The following SPSB1 variants were observed in gnomAD, a reference collection of about 807,000 sequenced individuals.
SPSB1 encodes the protein SPRY domain-containing SOCS box protein 1.
In SPSB1, 8 loss-of-function variants were observed where a neutral mutation model predicts 21.2. That is an observed-to-expected ratio of 0.38 (90% CI 0.22 to 0.68). SPSB1 has a LOEUF of 0.68. Ranked by LOEUF, SPSB1 falls within the 30% of genes least tolerant of loss-of-function variation. The probability of loss-of-function intolerance (pLI) is 0.53; values close to 1 mark genes in which losing one functional copy is unlikely to be tolerated. For synonymous variants in SPSB1, 169 were observed against 161.7 expected (o/e 1.05, Z -0.34); for missense variants, 242 against 377.8 (o/e 0.64, Z 2.98).
chr1:9,330,640 T>C (rs1373580539), intron 1 of SPSB1, among the ~76,000 whole-genome samples: 1 of 151,968 alleles, frequency 6.6e-6, no homozygotes, highest in Non-Finnish European at 1.5e-5. Flanking sequence ...GTCCTCTTCC[T>C]TTCCTCCCCT....
At chr1:9,339,063 C>T (rs1379583950) in intron 1 of SPSB1, among the ~76,000 whole-genome samples, 2 of 152,154 alleles carry the variant, frequency 1.3e-5, no homozygotes, top group African/African-American at 4.8e-5. Flanking sequence ...GCCGCTTCCC[C>T]TTGGAGACGG....
chr1:9,309,664 G>A (rs1639484705), intron 1 of SPSB1, among the ~76,000 whole-genome samples: 1 of 152,102 alleles, frequency 6.6e-6, no homozygotes, highest in Non-Finnish European at 1.5e-5. Context: ...CCAACACAGT[G>A]AAACCCCGTC....
Position 9,361,156 on chromosome 1 carries a change from C to CCTTTTTTTTTTTTTTTTTTTTTGT in SPSB1, c.694+4571_694+4572insCTTTTTTTTTTTTTTTTTTTTTGT. ...CAGGCATGGCTGGATCTGTCATTTT[C>CCTTTTTTTTTTTTTTTTTTTTTGT]TTTTTTTTTTTTTTTTTTTTTTTTT... On this transcript the variant is annotated intron_variant, in intron 2 of 2. Coordinates refer to ENST00000328089, the MANE Select transcript of SPSB1 (RefSeq NM_025106.4). 3.9e-5 allele frequency among the ~76,000 whole-genome samples: 4 copies of CCTTTTTTTTTTTTTTTTTTTTTGT among 102,578 alleles called. 1 individual carries two copies. In the East Asian group the frequency reaches 8.8e-4, roughly 22 times the overall value. The allele number at this position is 102,578 out of a possible 152,430, so 67.3% of individuals were successfully genotyped here.
intron 1 of SPSB1, among the ~76,000 whole-genome samples, chr1:9,306,866 C>G (rs1639420080): frequency 6.6e-6 from 1 of 151,790 alleles, no homozygotes. Context: ...CCTGGACATG[C>G]AGATGTGCTC....
rs568058473 is a variant in SPSB1 at position 9,335,990 on chromosome 1, G to A, written c.-149-19753G>A. On this transcript the variant is annotated intron_variant, in intron 1 of 2. Coordinates refer to ENST00000328089, the MANE Select transcript of SPSB1 (RefSeq NM_025106.4). ...AGATGCCCCATGCAGAGCTGTGTAA[G>A]CATCCAGCACTGTTTGAGGACCTAG... is the stretch of plus-strand genomic sequence containing the variant. Among the ~76,000 whole-genome samples, 4 of 152,314 alleles carry A rather than the reference G, an allele frequency of 2.6e-5. No individual in the cohort carries two copies. In the East Asian group the frequency reaches 7.7e-4, roughly 29 times the overall value.
At chr1:9,318,401 A>G (rs1639648662) in intron 1 of SPSB1, among the ~76,000 whole-genome samples, 1 of 152,218 alleles carries the variant, frequency 6.6e-6, no homozygotes, top group East Asian at 1.9e-4. Flanking sequence ...GCGGACAGAC[A>G]GGGAATGGGG....
At position 9,332,188 on chromosome 1, in the gene SPSB1, C is replaced by CAA. The variant is rs36047874; in HGVS notation, c.-149-23541_-149-23540dup. On this transcript the variant is annotated intron_variant, in intron 1 of 2. Coordinates refer to ENST00000328089, the MANE Select transcript of SPSB1 (RefSeq NM_025106.4). ...CAACATAGTGAGACCCCACCTCTAC[C>CAA]AAAAAAAAAAAAAAATCTCAATGAG... Among the ~76,000 whole-genome samples, 1,017 of 139,716 alleles carry CAA rather than the reference C, an allele frequency of 7.3e-3. 3 individuals are homozygous for CAA. The highest frequency in any genetic ancestry group is 0.011 in the Non-Finnish European group (686 of 64,056). 91.7% of individuals were successfully genotyped at this position (139,716 alleles called of 152,430 possible).
At chr1:9,366,977 A>T (rs981576313) in intron 2 of SPSB1, among the ~76,000 whole-genome samples, 27 of 152,240 alleles carry the variant, frequency 1.8e-4, no homozygotes, top group Non-Finnish European at 3.7e-4. Context: ...TGCCAGGAAG[A>T]GCTGGCTCCC....
intron 2 of SPSB1, among the ~76,000 whole-genome samples, chr1:9,360,449 T>C (rs1433391789): frequency 1.3e-5 from 2 of 152,156 alleles, no homozygotes; most frequent in African/African-American, 4.8e-5. Context: ...CTGGAGCTGC[T>C]GAACACATTA....
chr1:9,353,400 G>C (rs1301310339), intron 1 of SPSB1, among the ~76,000 whole-genome samples: 1 of 152,156 alleles, frequency 6.6e-6, no homozygotes, highest in Non-Finnish European at 1.5e-5. Flanking sequence ...GGGAGTCCTA[G>C]AGGTTTCAGT....
At chr1:9,322,810 C>A (rs1019577674) in intron 1 of SPSB1, among the ~76,000 whole-genome samples, 8 of 152,214 alleles carry the variant, frequency 5.3e-5, no homozygotes, top group African/African-American at 1.9e-4. Context: ...CGGGGGCAGG[C>A]AGCCCTGACG....
At chr1:9,364,772 G>T (rs1162742030) in intron 2 of SPSB1, among the ~76,000 whole-genome samples, 1 of 152,214 alleles carries the variant, frequency 6.6e-6, no homozygotes, top group Non-Finnish European at 1.5e-5. Context: ...ATGAAGAGCA[G>T]TGGTCCCTCT....
chr1:9,341,330 A>G (rs1569628529), intron 1 of SPSB1, among the ~76,000 whole-genome samples: 2 of 152,306 alleles, frequency 1.3e-5, no homozygotes, highest in Admixed American at 1.3e-4. Flanking sequence ...TCGGAGATGC[A>G]GGTAGAACCT....
intron 1 of SPSB1, among the ~76,000 whole-genome samples, chr1:9,297,114 A>G (rs975783460): frequency 2.0e-5 from 3 of 152,174 alleles, no homozygotes; most frequent in Non-Finnish European, 4.4e-5. Flanking sequence ...GCTGGGTGTC[A>G]GGAGATGTGA....
intron 1 of SPSB1, among the ~76,000 whole-genome samples, chr1:9,309,402 C>A (rs915281214): frequency 1.3e-5 from 2 of 151,732 alleles, no homozygotes; most frequent in Non-Finnish European, 2.9e-5. Context: ...ACTGCAGCCT[C>A]GAACTCCTGG....
intron 1 of SPSB1, among the ~76,000 whole-genome samples, chr1:9,316,073 G>A (rs529408924): frequency 2.6e-5 from 4 of 152,276 alleles, no homozygotes; most frequent in Middle Eastern, 3.4e-3. Flanking sequence ...TGGTGGGTCC[G>A]CAGCGGCACA....
At chr1:9,294,911 G>T (rs985368168) in intron 1 of SPSB1, among the ~76,000 whole-genome samples, 1 of 152,098 alleles carries the variant, frequency 6.6e-6, no homozygotes, top group African/African-American at 2.4e-5. Context: ...GAGGAATTTT[G>T]GAGTCAGGGA....
At chr1:9,355,669 C>T in intron 1 of SPSB1, 74 bp from the exon 2 acceptor site, 1 of 1,279,402 alleles carries the variant, frequency 7.8e-7, no homozygotes, top group Non-Finnish European at 9.9e-7. Context: ...GATGTGGTCG[C>T]CTTGCCCTCC....
intron 1 of SPSB1, chr1:9,339,369 G>A (rs577020565): frequency 5.6e-5 from 51 of 908,056 alleles, no homozygotes; most frequent in Middle Eastern, 1.1e-3. Flanking sequence ...GTGACTCACC[G>A]CCAGGCCAGG....
Sources: allele counts gnomAD v4.1 joint callset (sites outside exome capture counted in the v4.1 genomes callset), GRCh38; gene constraint gnomAD v4.1.1; transcripts MANE v1.5; gene names NCBI Gene and HGNC (gene_info 2026-07-23, HGNC 2026-07-21).